The following MNS1 variants were observed in gnomAD, a reference collection of about 807,000 sequenced individuals.
MNS1 encodes the protein meiosis specific nuclear structural 1.
In MNS1, 63 loss-of-function variants were observed where a neutral mutation model predicts 72.0. The observed-to-expected ratio is 0.87, with a 90% CI of 0.71 to 1.08. The LOEUF (loss-of-function observed/expected upper bound fraction) is 1.08, where lower values mean the gene tolerates loss of function less well. Ranked by LOEUF, MNS1 falls within the 50% of genes least tolerant of loss-of-function variation. MNS1 has a pLI of 0.00. For missense variants in MNS1, 604 were observed against 562.4 expected, an observed-to-expected ratio of 1.07 and a Z score of -0.75; for synonymous variants, 188 against 172.1, an observed-to-expected ratio of 1.09 and a Z score of -0.72.
In MNS1 at chr15:56,465,120, C is replaced by T; in HGVS notation, c.-148G>A. 9.7e-7 allele frequency: 1 copy of T among 1,027,760 alleles called. No individual in the cohort carries two copies. Among genetic ancestry groups the T allele is most frequent in the South Asian group, 1.5e-5 (1 of 65,840 alleles). The allele number at this position is 1,027,760 out of a possible 1,614,324, so 63.7% of individuals were successfully genotyped here. ...CTTGGCAACGGTGGAGCTGCGCGCC[C>T]TCCGCTCGACCAAAAGTGACCCACG... is the stretch of plus-strand genomic sequence containing the variant. On this transcript the variant is annotated 5_prime_UTR_variant, in exon 1 of 10. Coordinates refer to ENST00000260453, the MANE Select transcript of MNS1 (RefSeq NM_018365.4).
chr15:56,453,577 G>C (rs1229923894), intron 3 of MNS1, among the ~76,000 whole-genome samples: 1 of 151,828 alleles, frequency 6.6e-6, no homozygotes, highest in Admixed American at 6.5e-5. Flanking sequence ...TGAGATATGA[G>C]GTACTTGCTT....
intron 2 of MNS1, among the ~76,000 whole-genome samples, chr15:56,460,275 C>T (rs951981079): frequency 2.0e-5 from 3 of 151,614 alleles, no homozygotes; most frequent in South Asian, 4.2e-4. Flanking sequence ...CTTGAGGGGT[C>T]TTATCTCTGG....
chr15:56,439,388 T>C (rs1156357093), intron 7 of MNS1, among the ~76,000 whole-genome samples: 2 of 151,936 alleles, frequency 1.3e-5, no homozygotes, highest in African/African-American at 4.8e-5. Flanking sequence ...GCAAAAAATA[T>C]TTATAGAGAC....
Position 56,434,281 on chromosome 15 carries a change from T to G in MNS1, c.1126A>C (p.Arg376=). 6.2e-7 allele frequency: 1 copy of G among 1,614,006 alleles called. No homozygotes were observed. Among genetic ancestry groups the G allele is most frequent in the South Asian group, 1.1e-5 (1 of 91,076 alleles). The change falls in exon 8 of 10, where the codon AGA becomes CGA. Residue 376 remains arginine, a synonymous_variant. Coordinates refer to ENST00000260453, the MANE Select transcript of MNS1 (RefSeq NM_018365.4). ...QAAKEEEENF[R]KTMLAKFAED... The stretch of plus-strand genomic sequence containing the variant: ...GCAAATTTAGCTAGCATAGTTTTTC[T>G]AAAGTTCTCCTCTTCCTCTTTTGCA...
intron 3 of MNS1, among the ~76,000 whole-genome samples, chr15:56,452,669 C>A (rs795798): frequency 0.031 from 4,655 of 152,052 alleles, 181 homozygotes; most frequent in African/African-American, 0.088. Context: ...CAGGCGTGTG[C>A]CACCAGGCCC....
intron 2 of MNS1, among the ~76,000 whole-genome samples, chr15:56,457,188 C>T (rs1169311700): frequency 5.9e-5 from 9 of 152,146 alleles, no homozygotes; most frequent in African/African-American, 1.7e-4. Context: ...ACATACATCC[C>T]GTAGAATGTT....
intron 2 of MNS1, among the ~76,000 whole-genome samples, chr15:56,461,177 A>G (rs2051017893): frequency 6.6e-6 from 1 of 152,092 alleles, no homozygotes; most frequent in South Asian, 2.1e-4. Flanking sequence ...TGTGCTTTAT[A>G]CTCAGTCTAT....
rs750221808 is a variant in MNS1 at position 56,444,449 on chromosome 15, ATCT to A, written c.678_680del (p.Glu226del). On this transcript the variant is annotated inframe_deletion, in exon 5 of 10. Transcript: ENST00000260453. ...GAAAGTTAGGATAAACTTACAACTG[ATCT>A]TCTTCATAGATCTTCCTAACAATTT... 9.3e-6 allele frequency: 15 copies of A among 1,604,344 alleles called. No individual in the cohort carries two copies. The highest frequency in any genetic ancestry group is 5.1e-5 in the Admixed American group (3 of 58,780).
intron 2 of MNS1, among the ~76,000 whole-genome samples, chr15:56,459,977 C>T (rs1381342053): frequency 5.1e-5 from 3 of 58,982 alleles, no homozygotes; most frequent in African/African-American, 8.1e-5. Flanking sequence ...GCAACAAGAG[C>T]GAAATTCTGT....
At chr15:56,462,037 A>C (rs6493861) in intron 2 of MNS1, among the ~76,000 whole-genome samples, 134,009 of 134,160 alleles carry the variant, frequency 1, 66,929 homozygotes, top group East Asian at 1. Flanking sequence ...GGAACAGGGT[A>C]TCTGTCATTC....
intron 4 of MNS1, 120 bp downstream of exon 4, chr15:56,446,721 A>G: frequency 1.4e-6 from 1 of 699,398 alleles, no homozygotes. Flanking sequence ...GAAAATTTAC[A>G]AATATTTAAG....
chr15:56,455,400 T>G (rs1367661724), intron 3 of MNS1, among the ~76,000 whole-genome samples: 1 of 152,064 alleles, frequency 6.6e-6, no homozygotes, highest in Non-Finnish European at 1.5e-5. Flanking sequence ...AGAATCTGAT[T>G]AGAGTTGTGG....
At chr15:56,449,651 C>A (rs961410647) in intron 3 of MNS1, among the ~76,000 whole-genome samples, 4 of 152,068 alleles carry the variant, frequency 2.6e-5, no homozygotes, top group Non-Finnish European at 5.9e-5. Flanking sequence ...ATTGGTGTTA[C>A]TTTGTCCTGA....
At chr15:56,461,466 G>C (rs997380208) in intron 2 of MNS1, among the ~76,000 whole-genome samples, 39 of 152,038 alleles carry the variant, frequency 2.6e-4, no homozygotes, top group Non-Finnish European at 1.2e-4. Context: ...TTCAAGACCA[G>C]CCTGGCCAAC....
chr15:56,434,165 C>T lies in MNS1; in HGVS notation c.1242G>A (p.Glu414=), dbSNP rs754450720. 4 of 1,613,258 alleles carry T rather than the reference C, an allele frequency of 2.5e-6. No homozygotes were observed. The highest frequency in any genetic ancestry group is 1.7e-5 in the Admixed American group (1 of 59,916). The change falls in exon 8 of 10, where the codon GAG becomes GAA. Residue 414 remains glutamate (E), a synonymous_variant. Coordinates refer to ENST00000260453, the MANE Select transcript of MNS1 (RefSeq NM_018365.4). Reference sequence around the variant, plus strand: ...TGTCTGCAAGGAATTGTTGGCGACGCTCTTCAATAAGTTTTTCCACAGCCC... The same window carrying T: ...TGTCTGCAAGGAATTGTTGGCGACGTTCTTCAATAAGTTTTTCCACAGCCC... ...HRRAVEKLIE[E]RRQQFLADKQ... is the part of the protein sequence containing the mutation.
At chr15:56,455,239 C>T (rs562406773) in intron 3 of MNS1, among the ~76,000 whole-genome samples, 7 of 98,192 alleles carry the variant, frequency 7.1e-5, no homozygotes, top group South Asian at 4.2e-4. Flanking sequence ...AATAGTTCAT[C>T]GTCAGGTGAA....
chr15:56,452,502 T>TA (rs1398663226), intron 3 of MNS1, among the ~76,000 whole-genome samples: 5 of 149,510 alleles, frequency 3.3e-5, no homozygotes, highest in African/African-American at 7.4e-5. Context: ...ATAATCCATA[T>TA]TGTTTTGTTT....
At position 56,443,510 on chromosome 15, in the gene MNS1, G is replaced by T. The variant is rs201188134; in HGVS notation, c.931C>A (p.Arg311=). 3 of 1,597,976 alleles carry T rather than the reference G, an allele frequency of 1.9e-6. No individual in the cohort carries two copies. Among genetic ancestry groups the T allele is most frequent in the Admixed American group, 1.8e-5 (1 of 56,932 alleles). ...ALTQKLEEML[R]QREDLEQVRQ... is the part of the protein sequence containing the mutation. ...ACTTGTTCCAAATCTTCACGTTGCC[G>T]CAGCATTTCTTCTAATTTCTGTGTC... The change falls in exon 7 of 10, where the codon CGG becomes AGG. Residue 311 remains arginine (R), a synonymous_variant. Coordinates refer to ENST00000260453, the MANE Select transcript of MNS1 (RefSeq NM_018365.4).
At chr15:56,447,908 T>A (rs1330745664) in intron 3 of MNS1, among the ~76,000 whole-genome samples, 1 of 152,202 alleles carries the variant, frequency 6.6e-6, no homozygotes, top group African/African-American at 2.4e-5. Context: ...ATAGTGCAGG[T>A]ACCATTTTTC....
Sources: allele counts gnomAD v4.1 joint callset (sites outside exome capture counted in the v4.1 genomes callset), GRCh38; gene constraint gnomAD v4.1.1; transcripts MANE v1.5; gene names NCBI Gene and HGNC (gene_info 2026-07-23, HGNC 2026-07-21).